Variants in PKP2 observed in about 807,000 individuals in gnomAD.
PKP2 encodes the protein plakophilin 2, also known as plakophilin-2.
In PKP2, 73 loss-of-function variants were observed where a neutral mutation model predicts 83.4. The observed-to-expected ratio is 0.88, with a 90% CI of 0.72 to 1.06. PKP2 has a LOEUF of 1.06. PKP2 is among the 50% of genes least tolerant of loss of function. PKP2 has a pLI of 0.00. For synonymous variants in PKP2, 409 were observed against 430.4 expected, an observed-to-expected ratio of 0.95 and a Z score of 0.62; for missense variants, 966 against 1,065.4, an observed-to-expected ratio of 0.91 and a Z score of 1.30.
At chr12:32,872,162 T>C (rs1440904127) in intron 3 of PKP2, among the ~76,000 whole-genome samples, 6 of 152,160 alleles carry the variant, frequency 3.9e-5, no homozygotes, top group Non-Finnish European at 5.9e-5. Flanking sequence ...GATATCAGTA[T>C]AAATTTAAAA....
chr12:32,840,272 G>T (rs10743805), intron 6 of PKP2, among the ~76,000 whole-genome samples: 65,655 of 151,966 alleles, frequency 0.43, 15,233 homozygotes, highest in Non-Finnish European at 0.54. Flanking sequence ...TGTGTCCCCT[G>T]CTCCACTAAA....
chr12:32,851,019 G>T, intron 4 of PKP2, 46 bp from the exon 5 acceptor site: 1 of 1,455,374 alleles, frequency 6.9e-7, no homozygotes, highest in Non-Finnish European at 9.6e-7. Flanking sequence ...TTTTGATGTG[G>T]CATCAAGGCA....
At chr12:32,876,038 G>A (rs1030288634) in intron 3 of PKP2, among the ~76,000 whole-genome samples, 2 of 152,126 alleles carry the variant, frequency 1.3e-5, no homozygotes, top group Non-Finnish European at 2.9e-5. Flanking sequence ...GGCAGAAAGG[G>A]AGCACGCAGA....
intron 4 of PKP2, among the ~76,000 whole-genome samples, chr12:32,865,414 C>T (rs991570250): frequency 4.0e-5 from 6 of 149,322 alleles, no homozygotes; most frequent in African/African-American, 1.5e-4. Flanking sequence ...GGTGCAGTGG[C>T]TTATGCCTGT....
chr12:32,804,047 AG>A (rs1267827435), intron 9 of PKP2, among the ~76,000 whole-genome samples: 28 of 152,246 alleles, frequency 1.8e-4, no homozygotes, highest in African/African-American at 6.8e-4. Context: ...GTAACTAAGA[AG>A]CACAGTAGCA....
At chr12:32,826,083 T>A (rs1956437619) in intron 6 of PKP2, among the ~76,000 whole-genome samples, 3 of 151,882 alleles carry the variant, frequency 2.0e-5, no homozygotes, top group Admixed American at 2.0e-4. Flanking sequence ...GGCAGGCGGA[T>A]CATGAGGTCA....
intron 10 of PKP2, among the ~76,000 whole-genome samples, chr12:32,796,837 T>C (rs943521045): frequency 2.0e-5 from 3 of 152,234 alleles, no homozygotes; most frequent in African/African-American, 7.2e-5. Context: ...GAGTGTAATT[T>C]GGCAGAAATG....
intron 9 of PKP2, among the ~76,000 whole-genome samples, chr12:32,819,032 C>A (rs112857335): frequency 0.045 from 6,826 of 152,136 alleles, 204 homozygotes; most frequent in African/African-American, 0.079. Context: ...AATCCCAGCA[C>A]TCTGGGAGGC....
intron 10 of PKP2, among the ~76,000 whole-genome samples, chr12:32,798,476 C>CT (rs139936079): frequency 4.0e-4 from 57 of 143,136 alleles, no homozygotes; most frequent in Admixed American, 1.3e-3. Flanking sequence ...TTGAGTTTGG[C>CT]TTTTTTTTTT....
chr12:32,834,646 T>A (rs1956528990), intron 6 of PKP2, among the ~76,000 whole-genome samples: 1 of 152,142 alleles, frequency 6.6e-6, no homozygotes, highest in African/African-American at 2.4e-5. Flanking sequence ...TGAGGCATTT[T>A]AATTTATTAC....
intron 5 of PKP2, among the ~76,000 whole-genome samples, chr12:32,842,629 C>T (rs1023027731): frequency 6.6e-5 from 10 of 152,148 alleles, no homozygotes; most frequent in African/African-American, 2.4e-4. Flanking sequence ...AGGGATGACT[C>T]TTCCCTTTCT....
At chr12:32,892,818 C>CGG (rs574559982) in intron 1 of PKP2, among the ~76,000 whole-genome samples, 1,543 of 19,518 alleles carry the variant, frequency 0.079, 118 homozygotes, top group East Asian at 0.15. Flanking sequence ...GGGGTGGGGG[C>CGG]GGGGGGGGGG....
chr12:32,822,788 T>C (rs893497718), intron 7 of PKP2, among the ~76,000 whole-genome samples, 157 bp from the exon 8 acceptor site: 1 of 152,202 alleles, frequency 6.6e-6, no homozygotes, highest in Non-Finnish European at 1.5e-5. Flanking sequence ...TGAGTATGGC[T>C]AGAAAAGCTA....
Position 32,792,488 on chromosome 12 carries a change from T to A in PKP2, c.2450A>T (p.Gln817Leu), listed in dbSNP as rs1400610203. The change falls in exon 13 of 13, where the codon CAG becomes CTG. Residue 817 changes from glutamine (Q) to leucine (L), a missense_variant. Coordinates refer to ENST00000340811, the MANE Select transcript of PKP2 (RefSeq NM_001005242.3). ...TELHHAYKKA[Q>L]FKKTDFVNSR... ...GTTGACAAAATCTGTCTTCTTAAAC[T>A]GAGCCTTTGGAATAAGCAAACAGAA... The A allele has an allele frequency of 6.2e-7, 1 of 1,613,486 alleles. No individual in the cohort carries two copies. The highest frequency in any genetic ancestry group is 8.5e-7 in the Non-Finnish European group (1 of 1,179,438).
chr12:32,793,428 G>C lies in PKP2; in HGVS notation c.2358-697C>G, dbSNP rs543284581. 2.0e-5 allele frequency among the ~76,000 whole-genome samples: 3 copies of C among 151,820 alleles called. No individual in the cohort carries two copies. The East Asian group carries it at 5.8e-4, about 29-fold the overall frequency. ...GAAACCATGACTGAAAAATACATAC[G>C]ATTTTGTGACATCATGAATGTAGGA... On this transcript the variant is annotated intron_variant, in intron 11 of 12. Coordinates refer to ENST00000340811, the MANE Select transcript of PKP2 (RefSeq NM_001005242.3).
intron 1 of PKP2, among the ~76,000 whole-genome samples, chr12:32,887,264 T>A (rs1418746689): frequency 6.6e-6 from 1 of 152,138 alleles, no homozygotes; most frequent in Non-Finnish European, 1.5e-5. Context: ...ACATACCACA[T>A]GCCAGTGTGC....
chr12:32,791,549 A>G lies in PKP2; in HGVS notation c.*875T>C, dbSNP rs1038611178. On this transcript the variant is annotated 3_prime_UTR_variant, in exon 13 of 13. Coordinates refer to ENST00000340811, the MANE Select transcript of PKP2 (RefSeq NM_001005242.3). ...TTTCACTAGTCCAGGGCAGTGGCCA[A>G]AAAAGTCCAGGAAAGGCATTACATA... 3 of 152,254 alleles carry G rather than the reference A, an allele frequency of 2.0e-5. No homozygotes were observed. The highest frequency in any genetic ancestry group is 4.4e-5 in the Non-Finnish European group (3 of 68,064). 9.4% of individuals were successfully genotyped at this position (152,254 alleles called of 1,614,324 possible).
intron 1 of PKP2, among the ~76,000 whole-genome samples, chr12:32,883,413 TA>T (rs996856980): frequency 7.2e-5 from 11 of 152,230 alleles, no homozygotes; most frequent in African/African-American, 2.7e-4. Context: ...AAGTAAATAC[TA>T]ATAAGGATGG....
intron 6 of PKP2, 56 bp from the exon 7 acceptor site, chr12:32,824,218 CTTTGT>C (rs1956412113): frequency 1.2e-5 from 15 of 1,214,238 alleles, no homozygotes; most frequent in Non-Finnish European, 1.7e-5. Context: ...TCCAACAGGT[CTTTGT>C]TTTGAAGTTT....
Sources: gnomAD v4.1 joint callset for allele counts (sites outside exome capture counted in the v4.1 genomes callset) on GRCh38, gnomAD v4.1.1 for gene constraint, MANE v1.5 for transcripts, NCBI Gene and HGNC (gene_info 2026-07-23, HGNC 2026-07-21) for gene names.